The following MYO1E variants were observed in gnomAD, a reference collection of about 807,000 sequenced individuals.
The protein encoded by MYO1E is myosin IE.
In MYO1E, 68 loss-of-function variants were observed where a neutral mutation model predicts 151.1. The observed-to-expected ratio is 0.45, with a 90% CI of 0.37 to 0.55. The LOEUF is 0.55. Among genes scored for constraint, MYO1E ranks in the 20% least tolerant of loss-of-function variants. MYO1E has a pLI of 0.00. For synonymous variants in MYO1E, 601 were observed against 501.7 expected, an observed-to-expected ratio of 1.20 and a Z score of -2.64; for missense variants, 1,363 against 1,389.3, an observed-to-expected ratio of 0.98 and a Z score of 0.30.
chr15:59,240,663 G>A (rs577631171), intron 4 of MYO1E, among the ~76,000 whole-genome samples: 4 of 152,176 alleles, frequency 2.6e-5, no homozygotes, highest in South Asian at 2.1e-4. Context: ...ACTGTTGGAC[G>A]ACTCACCAAT....
At chr15:59,297,644 C>T (rs774109384) in intron 1 of MYO1E, among the ~76,000 whole-genome samples, 9 of 151,684 alleles carry the variant, frequency 5.9e-5, no homozygotes, top group East Asian at 1.9e-4. Context: ...TACAGTGGTG[C>T]GATGAGGGCT....
intron 1 of MYO1E, among the ~76,000 whole-genome samples, chr15:59,309,344 C>T (rs1483471083): frequency 6.6e-6 from 1 of 152,058 alleles, no homozygotes; most frequent in East Asian, 1.9e-4. Flanking sequence ...TACTACAACC[C>T]CCAAAAAAGC....
chr15:59,284,945 A>G (rs1443005984), intron 1 of MYO1E, among the ~76,000 whole-genome samples: 1 of 152,192 alleles, frequency 6.6e-6, no homozygotes, highest in African/African-American at 2.4e-5. Context: ...CAAACAAGTG[A>G]CAAGAGAGTC....
rs1254472485 is a variant in MYO1E at position 59,165,108 on chromosome 15, A to G, written c.2481-1805T>C. ...GGACTTCCCGGTCTCTAGAACTGTAAAAATTAAATTCTTACTGTTTACATA... is the reference window on the plus strand; with the variant it reads ...GGACTTCCCGGTCTCTAGAACTGTAGAAATTAAATTCTTACTGTTTACATA... On this transcript the variant is annotated intron_variant, in intron 22 of 27. Coordinates refer to ENST00000288235, the MANE Select transcript of MYO1E (RefSeq NM_004998.4). 2.0e-5 allele frequency among the ~76,000 whole-genome samples: 3 copies of G among 152,314 alleles called. No homozygotes were observed. The East Asian group carries it at 5.8e-4, about 29-fold the overall frequency.
intron 10 of MYO1E, among the ~76,000 whole-genome samples, chr15:59,216,174 T>C (rs955997092): frequency 2.0e-5 from 3 of 152,156 alleles, no homozygotes; most frequent in Non-Finnish European, 2.9e-5. Context: ...TGTTGTCCCT[T>C]GACTAGGGTC....
chr15:59,347,032 C>T (rs1258336042), intron 1 of MYO1E, among the ~76,000 whole-genome samples: 1 of 152,164 alleles, frequency 6.6e-6, no homozygotes, highest in East Asian at 1.9e-4. Context: ...GGGTATAAGG[C>T]ATCAGTTACA....
chr15:59,137,757 G>C (rs1010782528), intron 27 of MYO1E, among the ~76,000 whole-genome samples: 1 of 152,162 alleles, frequency 6.6e-6, no homozygotes, highest in Non-Finnish European at 1.5e-5. Flanking sequence ...CCCGTTTCTG[G>C]GGACAGCCCC....
intron 13 of MYO1E, among the ~76,000 whole-genome samples, chr15:59,209,814 CCT>C (rs2079866694): frequency 1.0e-5 from 1 of 99,462 alleles, no homozygotes; most frequent in Admixed American, 1.0e-4. Context: ...TTTTGAATCA[CCT>C]TTTTTTTTTT....
chr15:59,229,123 T>C (rs2080010260), intron 6 of MYO1E, among the ~76,000 whole-genome samples: 2 of 152,230 alleles, frequency 1.3e-5, no homozygotes, highest in African/African-American at 4.8e-5. Flanking sequence ...AATACTTCAG[T>C]GCCTGTCCCC....
At chr15:59,200,345 T>C (rs141591270) in intron 16 of MYO1E, among the ~76,000 whole-genome samples, 43 of 152,294 alleles carry the variant, frequency 2.8e-4, no homozygotes, top group African/African-American at 9.9e-4. Context: ...CACGCAGACA[T>C]TAATATCTGG....
intron 1 of MYO1E, among the ~76,000 whole-genome samples, chr15:59,297,147 C>T (rs938277806): frequency 3.3e-5 from 5 of 151,482 alleles, no homozygotes; most frequent in African/African-American, 9.7e-5. Flanking sequence ...CCACCGCACC[C>T]GGCCAGGAAA....
Position 59,135,397 on chromosome 15 carries a change from A to T in MYO1E, c.*1983T>A, listed in dbSNP as rs1376428093. ...CCTGGTGTTCCTGCCCTGAGAACGC[A>T]GCCTGAGTGCTGGTGGCTGTGGGGA... On this transcript the variant is annotated 3_prime_UTR_variant, in exon 28 of 28. Transcript: ENST00000288235. The T allele has an allele frequency of 6.6e-6, 1 of 152,274 alleles. No homozygotes were observed. The highest frequency in any genetic ancestry group is 1.9e-4 in the East Asian group (1 of 5,190). The allele number at this position is 152,274 out of a possible 1,614,324, so 9.4% of individuals were successfully genotyped here.
chr15:59,233,270 G>A (rs866375106), intron 5 of MYO1E, among the ~76,000 whole-genome samples: 14 of 151,906 alleles, frequency 9.2e-5, no homozygotes, highest in Admixed American at 3.9e-4. Context: ...CCATCCATCC[G>A]TCCGTCCATA....
intron 1 of MYO1E, among the ~76,000 whole-genome samples, chr15:59,355,152 C>A (rs561212105): frequency 6.6e-6 from 1 of 152,090 alleles, no homozygotes; most frequent in Non-Finnish European, 1.5e-5. Context: ...CCAATTCTAC[C>A]CCATGCCAGA....
In MYO1E at chr15:59,168,776, A is replaced by G. The variant is rs553942017; in HGVS notation, c.2480+3121T>C. ...GCTGGGACCACGGGCACGTACCACC[A>G]CTCCTGGCTAATTTTCACATTTTTT... On this transcript the variant is annotated intron_variant, in intron 22 of 27. Coordinates refer to ENST00000288235, the MANE Select transcript of MYO1E (RefSeq NM_004998.4). 5.5e-4 allele frequency among the ~76,000 whole-genome samples: 83 copies of G among 151,528 alleles called. 1 individual carries two copies. Among genetic ancestry groups the G allele is most frequent in the African/African-American group, 1.9e-3 (80 of 41,312 alleles).
chr15:59,181,740 T>C (rs1358892656), intron 18 of MYO1E, among the ~76,000 whole-genome samples: 2 of 152,222 alleles, frequency 1.3e-5, no homozygotes, highest in African/African-American at 4.8e-5. Flanking sequence ...TGGCTCTGTT[T>C]AGGCCTGTGA....
chr15:59,242,493 G>A lies in MYO1E; in HGVS notation c.333-5821C>T, dbSNP rs8037684. Among the ~76,000 whole-genome samples, 364 of 152,242 alleles carry A rather than the reference G, an allele frequency of 2.4e-3. 2 individuals carry two copies. The highest frequency in any genetic ancestry group is 7.9e-3 in the African/African-American group (329 of 41,534). The stretch of plus-strand genomic sequence containing the variant: ...AAGCCATAATTCCATAGTGCCATAC[G>A]AAAGTAAACGAGTCAATCAGTAAAT... On this transcript the variant is annotated intron_variant, in intron 4 of 27. Coordinates refer to ENST00000288235, the MANE Select transcript of MYO1E (RefSeq NM_004998.4).
chr15:59,360,532 T>C lies in MYO1E; in HGVS notation c.3+11966A>G, dbSNP rs150653480. Among the ~76,000 whole-genome samples, 628 of 152,342 alleles carry C rather than the reference T, an allele frequency of 4.1e-3. 4 individuals are homozygous for C. Among genetic ancestry groups the C allele is most frequent in the Non-Finnish European group, 6.4e-3 (432 of 68,026 alleles). ...GCCCAGCATGGTTTGGCATGATTCA[T>C]TGCTCTCTAACTTTGGACTTAATGT... On this transcript the variant is annotated intron_variant, in intron 1 of 27. Coordinates refer to ENST00000288235, the MANE Select transcript of MYO1E (RefSeq NM_004998.4).
At chr15:59,308,429 T>C (rs2080529021) in intron 1 of MYO1E, among the ~76,000 whole-genome samples, 1 of 151,414 alleles carries the variant, frequency 6.6e-6, no homozygotes, top group East Asian at 2.0e-4. Context: ...CCCAGCACTT[T>C]GGGAGGCCAA....
Sources: allele counts gnomAD v4.1 joint callset (sites outside exome capture counted in the v4.1 genomes callset), GRCh38; gene constraint gnomAD v4.1.1; transcripts MANE v1.5; gene names NCBI Gene and HGNC (gene_info 2026-07-23, HGNC 2026-07-21).